AKT3: variants seen among roughly 807,000 people sequenced by gnomAD.
AKT3 encodes the protein AKT serine/threonine kinase 3, also known as RAC-gamma serine/threonine-protein kinase.
AKT3 carries 15 observed loss-of-function variants against 65.3 expected under a neutral mutation model. That is an observed-to-expected ratio of 0.23 (90% CI 0.15 to 0.35). The LOEUF is 0.35. AKT3 is among the 10% of genes least tolerant of loss of function. The pLI is 1.00. For missense variants in AKT3, 243 were observed against 576.5 expected (o/e 0.42, Z 5.92); for synonymous variants, 206 against 183.8 (o/e 1.12, Z -0.98).
At chr1:243,803,880 A>AGTC in intron 2 of AKT3, among the ~76,000 whole-genome samples, 1 of 152,332 alleles carries the variant, frequency 6.6e-6, no homozygotes, top group South Asian at 2.1e-4. Flanking sequence ...AGGAACACAG[A>AGTC]GTCACCTCTG....
At position 243,527,870 on chromosome 1, in the gene AKT3, A is replaced by AACACAC. The variant is rs56956606; in HGVS notation, c.1252-15450_1252-15445dup. ...ATTACAGCAAGACTCCATCTCTTAA[A>AACACAC]ACACACACACACACACACACACACA... On this transcript the variant is annotated intron_variant, in intron 12 of 13. Coordinates refer to ENST00000673466, the MANE Select transcript of AKT3 (RefSeq NM_005465.7). Among the ~76,000 whole-genome samples, 85 of 99,208 alleles carry AACACAC rather than the reference A, an allele frequency of 8.6e-4. 1 individual carries two copies. Among genetic ancestry groups the AACACAC allele is most frequent in the Middle Eastern group, 5.4e-3 (1 of 184 alleles). 65.1% of individuals were successfully genotyped at this position (99,208 alleles called of 152,430 possible). A position where few individuals can be genotyped will look rare whatever the true frequency, so the allele number is the denominator to read the frequency against.
At chr1:243,623,832 C>G (rs1678948063) in intron 6 of AKT3, among the ~76,000 whole-genome samples, 1 of 152,192 alleles carries the variant, frequency 6.6e-6, no homozygotes, top group Admixed American at 6.5e-5. Flanking sequence ...AGTGAATTCT[C>G]TCTCATATAT....
intron 8 of AKT3, among the ~76,000 whole-genome samples, chr1:243,594,447 A>T (rs1290014369): frequency 6.6e-6 from 1 of 152,262 alleles, no homozygotes; most frequent in Non-Finnish European, 1.5e-5. Context: ...AAAAGAACAA[A>T]GTTTTTCTCT....
intron 3 of AKT3, 77 bp from the exon 4 acceptor site, chr1:243,664,960 T>A: frequency 1.3e-6 from 1 of 774,150 alleles, no homozygotes. Flanking sequence ...ACTACAGAGT[T>A]CTATTTTAAA....
At chr1:243,785,190 G>T (rs1432205777) in intron 2 of AKT3, among the ~76,000 whole-genome samples, 1 of 151,560 alleles carries the variant, frequency 6.6e-6, no homozygotes, top group Non-Finnish European at 1.5e-5. Flanking sequence ...TCAGCCGCAG[G>T]TGTGAGTAGC....
chr1:243,843,655 TG>T, intron 1 of AKT3: 14 of 883,602 alleles, frequency 1.6e-5, no homozygotes, highest in African/African-American at 1.8e-5. Flanking sequence ...GTAAATTTTT[TG>T]TTTTTTTTTT....
intron 2 of AKT3, among the ~76,000 whole-genome samples, chr1:243,699,511 A>ATATATATATATG (rs1685301766): frequency 7.1e-5 from 8 of 113,140 alleles, no homozygotes; most frequent in African/African-American, 2.7e-4. Flanking sequence ...ATATATATAT[A>ATATATATATATG]TAATCTTCAT....
intron 2 of AKT3, among the ~76,000 whole-genome samples, chr1:243,842,086 G>A (rs540490808): frequency 1.3e-5 from 2 of 152,192 alleles, no homozygotes; most frequent in South Asian, 2.1e-4. Context: ...CAGAGTGTTT[G>A]TTACACTACT....
At position 243,505,013 on chromosome 1, in the gene AKT3, C is replaced by T. The variant is rs1472511042; in HGVS notation, c.*236G>A. 2.0e-6 allele frequency: 1 copy of T among 489,836 alleles called. No homozygotes were observed. Among genetic ancestry groups the T allele is most frequent in the African/African-American group, 1.9e-5 (1 of 51,296 alleles). 30.3% of individuals were successfully genotyped at this position (489,836 alleles called of 1,614,324 possible). ...TGCTATAATAGTAAGACAGTAGCAG[C>T]AACAGCATGAGACCTTAGACTGAGA... On this transcript the variant is annotated 3_prime_UTR_variant, in exon 14 of 14. Transcript: ENST00000673466.
chr1:243,680,790 T>C (rs1158373464), intron 3 of AKT3, among the ~76,000 whole-genome samples: 1 of 152,184 alleles, frequency 6.6e-6, no homozygotes, highest in Non-Finnish European at 1.5e-5. Context: ...TATGACTTAG[T>C]TGGAAAAGCA....
intron 3 of AKT3, among the ~76,000 whole-genome samples, chr1:243,690,093 A>C (rs1033416588): frequency 2.6e-5 from 4 of 152,198 alleles, no homozygotes; most frequent in African/African-American, 9.6e-5. Flanking sequence ...AGGGTGGGAC[A>C]ATATTTGCAG....
intron 2 of AKT3, among the ~76,000 whole-genome samples, chr1:243,768,856 A>G (rs528288693): frequency 1.6e-4 from 24 of 151,726 alleles, no homozygotes; most frequent in Non-Finnish European, 3.1e-4. Context: ...AAAGAGAGCG[A>G]TAGTTCACAT....
intron 8 of AKT3, among the ~76,000 whole-genome samples, chr1:243,582,981 A>T (rs1282036161): frequency 6.6e-6 from 1 of 151,172 alleles, no homozygotes; most frequent in Non-Finnish European, 1.5e-5. Context: ...GATAAAACAG[A>T]CTTCAAACTA....
At chr1:243,823,976 G>C (rs1572410704) in intron 2 of AKT3, among the ~76,000 whole-genome samples, 1 of 152,252 alleles carries the variant, frequency 6.6e-6, no homozygotes, top group South Asian at 2.1e-4. Context: ...AAAGAACAAA[G>C]CTGGAGGCAT....
intron 2 of AKT3, among the ~76,000 whole-genome samples, chr1:243,734,687 A>C (rs905607804): frequency 1.3e-5 from 2 of 152,202 alleles, no homozygotes; most frequent in Non-Finnish European, 2.9e-5. Context: ...TGTGGACTTC[A>C]TAAACACCGT....
chr1:243,642,077 T>G (rs144295088), intron 5 of AKT3, among the ~76,000 whole-genome samples: 3 of 152,196 alleles, frequency 2.0e-5, no homozygotes, highest in African/African-American at 4.8e-5. Flanking sequence ...GGAATTTACA[T>G]GGAAATTACT....
intron 2 of AKT3, among the ~76,000 whole-genome samples, chr1:243,759,269 C>T (rs574300652): frequency 3.3e-5 from 5 of 152,048 alleles, no homozygotes; most frequent in South Asian, 2.1e-4. Context: ...GAGCTATGAT[C>T]GGACCACTGC....
intron 2 of AKT3, among the ~76,000 whole-genome samples, chr1:243,716,512 A>G (rs1451306175): frequency 5.3e-5 from 8 of 152,226 alleles, no homozygotes; most frequent in Non-Finnish European, 1.2e-4. Context: ...ACTAACAATG[A>G]TGGCAAAACC....
intron 2 of AKT3, among the ~76,000 whole-genome samples, chr1:243,775,020 G>C (rs1366894857): frequency 6.6e-6 from 1 of 152,044 alleles, no homozygotes; most frequent in South Asian, 2.1e-4. Flanking sequence ...GTGCCACCAC[G>C]CCTAGCTAAT....
Sources: allele counts gnomAD v4.1 joint callset (sites outside exome capture counted in the v4.1 genomes callset), GRCh38; gene constraint gnomAD v4.1.1; transcripts MANE v1.5; gene names NCBI Gene and HGNC (gene_info 2026-07-23, HGNC 2026-07-21).